Variants in TPO observed in about 807,000 individuals in gnomAD.
TPO encodes the protein thyroid microsomal antigen.
TPO carries 78 observed loss-of-function variants against 96.9 expected under a neutral mutation model. That is an observed-to-expected ratio of 0.81 (90% CI 0.67 to 0.97). The LOEUF is 0.97. Ranked by LOEUF, TPO falls within the 50% of genes least tolerant of loss-of-function variation. The pLI is 0.00. For missense variants in TPO, 1,252 were observed against 1,274.8 expected (o/e 0.98, Z 0.27); for synonymous variants, 547 against 538.0 (o/e 1.02, Z -0.23).
intron 11 of TPO, 28 bp downstream of exon 11, chr2:1,494,067 T>A (rs1312878834): frequency 1.2e-6 from 2 of 1,606,652 alleles, no homozygotes; most frequent in Non-Finnish European, 1.7e-6. Flanking sequence ...GCGTCTTCCT[T>A]CACGTTCTGC....
At chr2:1,523,041 T>A (rs2125107559) in intron 15 of TPO, among the ~76,000 whole-genome samples, 1 of 68,004 alleles carries the variant, frequency 1.5e-5, no homozygotes, top group African/African-American at 5.5e-5. Context: ...CCTCCCCAAA[T>A]CTCCCCAACT....
intron 1 of TPO, among the ~76,000 whole-genome samples, chr2:1,406,350 T>C (rs979201892): frequency 2.0e-5 from 3 of 152,238 alleles, no homozygotes; most frequent in Non-Finnish European, 4.4e-5. Context: ...TTTTTAAAAT[T>C]TATTTTTCCA....
At position 1,455,239 on chromosome 2, in the gene TPO, C is replaced by T. The variant is rs28910569; in HGVS notation, c.613-837C>T. Reference sequence around the variant, plus strand: ...CCCATCTCAAGGCCCTTAATGTAATCGCATCAGCAGGCTCCAAGGATTAGC... The same window carrying T: ...CCCATCTCAAGGCCCTTAATGTAATTGCATCAGCAGGCTCCAAGGATTAGC... On this transcript the variant is annotated intron_variant, in intron 6 of 16. Transcript: ENST00000329066. Among the ~76,000 whole-genome samples the T allele has an allele frequency of 5.9e-5, 9 of 152,310 alleles. No homozygotes were observed. In the East Asian group the frequency reaches 9.7e-4, roughly 16 times the overall value.
intron 12 of TPO, 112 bp downstream of exon 12, chr2:1,496,309 A>C (rs1220703404): frequency 6.5e-6 from 6 of 927,778 alleles, no homozygotes; most frequent in Admixed American, 2.3e-5. Flanking sequence ...AATAGTGTCA[A>C]CGCCCTGCCT....
chr2:1,433,906 C>A (rs912884668), intron 4 of TPO, among the ~76,000 whole-genome samples: 6 of 152,104 alleles, frequency 3.9e-5, no homozygotes, highest in African/African-American at 1.2e-4. Context: ...AGGAATTTTC[C>A]CATAGCCCCC....
intron 1 of TPO, among the ~76,000 whole-genome samples, chr2:1,407,457 C>T (rs980785868): frequency 6.6e-6 from 1 of 152,146 alleles, no homozygotes; most frequent in African/African-American, 2.4e-5. Context: ...CAGATGTGTC[C>T]TTTGTGTAGT....
chr2:1,421,878 C>G (rs75334209), intron 2 of TPO, among the ~76,000 whole-genome samples: 8,881 of 152,316 alleles, frequency 0.058, 344 homozygotes, highest in South Asian at 0.15. Flanking sequence ...CCAGCACGCA[C>G]ACATTGGCGT....
At chr2:1,526,692 C>CT (rs1431747533) in intron 15 of TPO, among the ~76,000 whole-genome samples, 1 of 87,490 alleles carries the variant, frequency 1.1e-5, no homozygotes, top group African/African-American at 4.2e-5. Context: ...CCCAAATCCC[C>CT]CCCCCACTGT....
At chr2:1,405,121 G>A (rs910513279) in intron 1 of TPO, among the ~76,000 whole-genome samples, 45 of 126,276 alleles carry the variant, frequency 3.6e-4, no homozygotes, top group African/African-American at 1.3e-3. Flanking sequence ...ATCATCATTC[G>A]CCTATCCATC....
intron 1 of TPO, among the ~76,000 whole-genome samples, chr2:1,383,534 G>T (rs557114365): frequency 1.3e-5 from 2 of 152,332 alleles, no homozygotes; most frequent in South Asian, 4.1e-4. Flanking sequence ...CTTTTGAGAA[G>T]TGTCTGTTCA....
intron 15 of TPO, 54 bp from the exon 16 acceptor site, chr2:1,540,540 C>T: frequency 6.2e-7 from 1 of 1,607,366 alleles, no homozygotes; most frequent in Non-Finnish European, 8.5e-7. Flanking sequence ...TCTCTACCCT[C>T]CACAGTCACG....
At chr2:1,427,046 T>C (rs1202842429) in intron 3 of TPO, among the ~76,000 whole-genome samples, 1 of 152,086 alleles carries the variant, frequency 6.6e-6, no homozygotes, top group East Asian at 1.9e-4. Context: ...TTCACTTACC[T>C]GGATAGCATG....
intron 13 of TPO, among the ~76,000 whole-genome samples, chr2:1,500,719 C>A (rs1235331008): frequency 6.6e-6 from 1 of 152,180 alleles, no homozygotes; most frequent in Admixed American, 6.5e-5. Context: ...GTAATCCCAG[C>A]ACTTTGGGAG....
chr2:1,461,590 G>A (rs1395610825), intron 7 of TPO, among the ~76,000 whole-genome samples: 4 of 152,192 alleles, frequency 2.6e-5, no homozygotes, highest in Admixed American at 1.3e-4. Flanking sequence ...CTGCCCCACC[G>A]GGCATAAATA....
chr2:1,453,968 A>T (rs865793578), intron 6 of TPO, 145 bp downstream of exon 6: 2 of 1,331,946 alleles, frequency 1.5e-6, no homozygotes, highest in South Asian at 1.3e-5. Context: ...TTGATGTAGC[A>T]ATCACTGTTT....
At chr2:1,391,605 C>A (rs183449841) in intron 1 of TPO, among the ~76,000 whole-genome samples, 1,795 of 152,254 alleles carry the variant, frequency 0.012, 38 homozygotes, top group African/African-American at 0.041. Flanking sequence ...TTACCTTGGG[C>A]AGTATGGCCA....
chr2:1,439,497 A>G (rs189541628), intron 5 of TPO: 1 of 152,246 alleles, frequency 6.6e-6, no homozygotes, highest in East Asian at 1.9e-4. Context: ...GTTAGTGCCA[A>G]AGCCCACCAA....
chr2:1,454,685 T>A (rs1437208636), intron 6 of TPO, among the ~76,000 whole-genome samples: 2 of 152,106 alleles, frequency 1.3e-5, no homozygotes, highest in African/African-American at 2.4e-5. Context: ...AGTTGGACAA[T>A]CCCTAAAATG....
Position 1,477,088 on chromosome 2 carries a change from C to G in TPO, c.822C>G (p.Leu274=). ...CTTGAACTCCCCTTTGCCTGCAGCT[C>G]CCGGAGGAGGCCCGGCCGGCCGCGG... ...ENQNPCFPIQ[L]PEEARPAAGT... The change falls in exon 8 of 17, where the codon CTC becomes CTG. Residue 274 remains leucine, a splice_region_variant and synonymous_variant. Transcript: ENST00000329066. The G allele has an allele frequency of 6.2e-7, 1 of 1,603,062 alleles. No homozygotes were observed. Among genetic ancestry groups the G allele is most frequent in the Non-Finnish European group, 8.5e-7 (1 of 1,177,906 alleles).
Sources: allele counts gnomAD v4.1 joint callset (sites outside exome capture counted in the v4.1 genomes callset), GRCh38; gene constraint gnomAD v4.1.1; transcripts MANE v1.5; gene names NCBI Gene and HGNC (gene_info 2026-07-23, HGNC 2026-07-21).